Variants in NAALADL2 observed in about 807,000 individuals in gnomAD.
NAALADL2 encodes the protein inactive N-acetylated-alpha-linked acidic dipeptidase-like protein 2.
A neutral mutation model predicts 87.2 loss-of-function variants in NAALADL2; 76 were observed. That is an observed-to-expected ratio of 0.87 (90% CI 0.72 to 1.05). The LOEUF (loss-of-function observed/expected upper bound fraction) is 1.05. Among genes scored for constraint, NAALADL2 ranks in the 50% least tolerant of loss-of-function variants. The probability of loss-of-function intolerance (pLI) is 0.00; values close to 1 mark genes in which losing one functional copy is unlikely to be tolerated. For missense variants in NAALADL2, 1,089 were observed against 945.8 expected (o/e 1.15, Z -1.99); for synonymous variants, 354 against 331.0 (o/e 1.07, Z -0.75).
At chr3:175,163,112 A>C (rs1405367533) in intron 2 of NAALADL2, among the ~76,000 whole-genome samples, 1 of 152,110 alleles carries the variant, frequency 6.6e-6, no homozygotes, top group Admixed American at 6.6e-5. Context: ...ACTTAGTTCA[A>C]AGAGGCAAGC....
At chr3:175,521,566 G>A (rs1732668262) in intron 9 of NAALADL2, among the ~76,000 whole-genome samples, 1 of 152,098 alleles carries the variant, frequency 6.6e-6, no homozygotes, top group Non-Finnish European at 1.5e-5. Flanking sequence ...AATAGTCTTT[G>A]CAGATGTAAT....
intron 1 of NAALADL2, among the ~76,000 whole-genome samples, chr3:174,532,014 G>A (rs976305787): frequency 4.6e-5 from 7 of 152,148 alleles, no homozygotes; most frequent in Non-Finnish European, 8.8e-5. Flanking sequence ...TCTGACCCCA[G>A]TGATTGTACT....
At chr3:174,541,905 T>A (rs1195532365) in intron 1 of NAALADL2, among the ~76,000 whole-genome samples, 1 of 91,494 alleles carries the variant, frequency 1.1e-5, no homozygotes, top group Non-Finnish European at 2.2e-5. Context: ...GAAGAAAGCA[T>A]GTCCATTGAA....
intron 1 of NAALADL2, among the ~76,000 whole-genome samples, chr3:175,086,693 C>T (rs113618935): frequency 0.018 from 2,783 of 152,028 alleles, 87 homozygotes; most frequent in African/African-American, 0.062. Context: ...TTATATTCCT[C>T]TTCATAAATA....
intron 2 of NAALADL2, among the ~76,000 whole-genome samples, chr3:175,179,470 A>G (rs1393291314): frequency 1.3e-5 from 2 of 151,982 alleles, no homozygotes; most frequent in Non-Finnish European, 2.9e-5. Context: ...TTTCACATCA[A>G]TGAGGTTGTC....
intron 1 of NAALADL2, among the ~76,000 whole-genome samples, chr3:174,488,439 G>C (rs1175992031): frequency 1.3e-5 from 2 of 152,032 alleles, no homozygotes; most frequent in African/African-American, 4.8e-5. Context: ...ATAATGCCTA[G>C]GATAGAGTGC....
chr3:175,795,302 C>T (rs953435502), intron 13 of NAALADL2, among the ~76,000 whole-genome samples: 1 of 151,998 alleles, frequency 6.6e-6, no homozygotes, highest in African/African-American at 2.4e-5. Context: ...TAATGCATAC[C>T]TCATGGGGAC....
intron 3 of NAALADL2, among the ~76,000 whole-genome samples, chr3:174,847,438 T>C (rs1277482703): frequency 6.6e-6 from 1 of 152,170 alleles, no homozygotes; most frequent in Non-Finnish European, 1.5e-5. Context: ...CTTATCCTAT[T>C]GATGGCTTTA....
intron 13 of NAALADL2, among the ~76,000 whole-genome samples, chr3:175,774,006 C>CT (rs1276638769): frequency 6.6e-5 from 10 of 152,016 alleles, no homozygotes; most frequent in Non-Finnish European, 1.5e-4. Flanking sequence ...ACAATTGGAG[C>CT]TTGAAGGTCA....
intron 10 of NAALADL2, among the ~76,000 whole-genome samples, chr3:175,613,745 C>T (rs923409580): frequency 6.6e-6 from 1 of 152,128 alleles, no homozygotes; most frequent in Non-Finnish European, 1.5e-5. Context: ...TCAGTTTCTT[C>T]ATCTATAAAA....
intron 2 of NAALADL2, among the ~76,000 whole-genome samples, chr3:175,121,295 C>A (rs981513527): frequency 1.3e-5 from 2 of 151,798 alleles, no homozygotes; most frequent in Middle Eastern, 3.2e-3. Context: ...TTGTCTTGGG[C>A]TTTAACAAAC....
At chr3:174,839,289 A>G (rs1723738361) in intron 3 of NAALADL2, among the ~76,000 whole-genome samples, 1 of 152,170 alleles carries the variant, frequency 6.6e-6, no homozygotes, top group Non-Finnish European at 1.5e-5. Context: ...TTGGCTAGCC[A>G]CACGTAGGAA....
At chr3:175,335,602 G>A (rs1761893004) in intron 5 of NAALADL2, among the ~76,000 whole-genome samples, 2 of 152,070 alleles carry the variant, frequency 1.3e-5, no homozygotes, top group African/African-American at 4.8e-5. Flanking sequence ...AAGAGTTTTT[G>A]AATTTTAAGT....
Position 175,629,799 on chromosome 3 carries a change from A to G in NAALADL2, c.1896+2413A>G, listed in dbSNP as rs550944434. Reference sequence around the variant, plus strand: ...TACAGGGGCACAGAATACATCCCGAACATATGCAATTGTTCTTTTTTAATT... The same window carrying G: ...TACAGGGGCACAGAATACATCCCGAGCATATGCAATTGTTCTTTTTTAATT... On this transcript the variant is annotated intron_variant, in intron 11 of 13. Coordinates refer to ENST00000454872, the MANE Select transcript of NAALADL2 (RefSeq NM_207015.3). Among the ~76,000 whole-genome samples, 8 of 151,926 alleles carry G rather than the reference A, an allele frequency of 5.3e-5. No homozygotes were observed. The East Asian group carries it at 1.2e-3, about 22-fold the overall frequency.
chr3:175,610,941 TATA>T (rs1452644638), intron 10 of NAALADL2, among the ~76,000 whole-genome samples: 2 of 152,030 alleles, frequency 1.3e-5, no homozygotes, highest in Non-Finnish European at 2.9e-5. Flanking sequence ...TATATGCAAA[TATA>T]ATAACAATAT....
At chr3:175,464,142 G>T (rs1560593477) in intron 7 of NAALADL2, among the ~76,000 whole-genome samples, 1 of 150,100 alleles carries the variant, frequency 6.7e-6, no homozygotes, top group East Asian at 1.9e-4. Flanking sequence ...GGCTAAGAAA[G>T]ATTTTAGTTT....
At chr3:175,471,590 A>G in intron 8 of NAALADL2, 49 bp from the exon 9 acceptor site, 1 of 1,039,962 alleles carries the variant, frequency 9.6e-7, no homozygotes, top group Non-Finnish European at 1.4e-6. Flanking sequence ...ATAAAGTAGA[A>G]TCTATTTATT....
chr3:175,076,831 A>G (rs965567452), intron 1 of NAALADL2, among the ~76,000 whole-genome samples: 10 of 152,208 alleles, frequency 6.6e-5, no homozygotes, highest in Admixed American at 6.5e-4. Flanking sequence ...CAAATACTTT[A>G]AAGGTACTGT....
chr3:175,695,374 G>A (rs1034956378), intron 11 of NAALADL2, among the ~76,000 whole-genome samples: 1 of 150,626 alleles, frequency 6.6e-6, no homozygotes, highest in Admixed American at 6.6e-5. Flanking sequence ...TTTGCCTAGT[G>A]AAATATTCTA....
Sources: allele counts gnomAD v4.1 joint callset (sites outside exome capture counted in the v4.1 genomes callset), GRCh38; gene constraint gnomAD v4.1.1; transcripts MANE v1.5; gene names NCBI Gene and HGNC (gene_info 2026-07-23, HGNC 2026-07-21).